PRKCI: variants seen among roughly 807,000 people sequenced by gnomAD.
PRKCI encodes protein kinase C iota.
PRKCI carries 43 observed loss-of-function variants against 84.0 expected under a neutral mutation model. That is an observed-to-expected ratio of 0.51 (90% CI 0.40 to 0.66). PRKCI has a LOEUF of 0.66. Among genes scored for constraint, PRKCI ranks in the 30% least tolerant of loss-of-function variants. The pLI, the probability that PRKCI is intolerant of heterozygous loss-of-function variation, is 0.00. For synonymous variants in PRKCI, 216 were observed against 234.4 expected (o/e 0.92, Z 0.72); for missense variants, 459 against 745.6 (o/e 0.62, Z 4.48).
Position 170,247,269 on chromosome 3 carries a change from T to A in PRKCI, c.223+11918T>A, listed in dbSNP as rs182123307. Among the ~76,000 whole-genome samples the A allele has an allele frequency of 7.4e-4, 112 of 151,994 alleles. No homozygotes were observed. In the East Asian group the frequency reaches 0.016, roughly 21 times the overall value. On this transcript the variant is annotated intron_variant, in intron 2 of 17. Transcript: ENST00000295797. ...TGGGATCTTGCTATGTTGCCCAGGC[T>A]GGTCTTGAACTCTTGGACTCAAGCA...
chr3:170,281,800 C>T, intron 10 of PRKCI, 82 bp from the exon 11 acceptor site: 1 of 1,493,964 alleles, frequency 6.7e-7, no homozygotes, highest in Middle Eastern at 2.2e-4. Flanking sequence ...AGAATGCTCT[C>T]TGTTGTGATG....
At chr3:170,287,180 G>A (rs1194107009) in intron 12 of PRKCI, among the ~76,000 whole-genome samples, 2 of 151,746 alleles carry the variant, frequency 1.3e-5, no homozygotes, top group Non-Finnish European at 2.9e-5. Flanking sequence ...ACAAAAAATA[G>A]GAAAATTACA....
intron 1 of PRKCI, among the ~76,000 whole-genome samples, chr3:170,227,946 G>A (rs1383869477): frequency 6.6e-6 from 1 of 152,094 alleles, no homozygotes; most frequent in Non-Finnish European, 1.5e-5. Context: ...AAATTTTAAG[G>A]GGTAGTATCA....
intron 2 of PRKCI, among the ~76,000 whole-genome samples, chr3:170,238,240 G>T (rs977451413): frequency 6.6e-6 from 1 of 151,938 alleles, no homozygotes; most frequent in Non-Finnish European, 1.5e-5. Context: ...GCGGGTGCCT[G>T]TAATCCCAGC....
chr3:170,236,135 T>C (rs1192992038), intron 2 of PRKCI, among the ~76,000 whole-genome samples: 1 of 150,394 alleles, frequency 6.6e-6, no homozygotes, highest in Non-Finnish European at 1.5e-5. Context: ...AGAGTCTGGC[T>C]CTGTCGCCCA....
chr3:170,283,026 G>GCCCGGGAGGCAGA (rs1553844283), intron 11 of PRKCI, among the ~76,000 whole-genome samples: 4 of 150,652 alleles, frequency 2.7e-5, no homozygotes, highest in Non-Finnish European at 5.9e-5. Flanking sequence ...AATCGCTTGA[G>GCCCGGGAGGCAGA]CCCGGGAGGC....
intron 2 of PRKCI, among the ~76,000 whole-genome samples, chr3:170,241,775 A>AAAAGGAAAGC (rs1448670645): frequency 0.015 from 2,335 of 152,000 alleles, 75 homozygotes; most frequent in African/African-American, 0.054. Flanking sequence ...GGCTTTTGAG[A>AAAAGGAAAGC]TCCTCCCATC....
intron 3 of PRKCI, among the ~76,000 whole-genome samples, chr3:170,263,085 C>T: frequency 6.6e-6 from 1 of 150,708 alleles, no homozygotes; most frequent in Non-Finnish European, 1.5e-5. Context: ...AGGAGAATGG[C>T]GTGAACCCGG....
chr3:170,222,814 G>A (rs749580278), intron 1 of PRKCI, 44 bp downstream of exon 1: 46 of 1,417,806 alleles, frequency 3.2e-5, no homozygotes, highest in Non-Finnish European at 3.7e-5. Context: ...GGGACAGGCC[G>A]GCTCCACTCG....
chr3:170,287,908 CAAAAA>C (rs750366555), intron 12 of PRKCI, among the ~76,000 whole-genome samples: 28 of 50,546 alleles, frequency 5.5e-4, no homozygotes, highest in African/African-American at 1.8e-3. Flanking sequence ...GACTCTGTCT[CAAAAA>C]AAAAAAAAAA....
At chr3:170,276,614 C>G (rs1162664111) in intron 8 of PRKCI, among the ~76,000 whole-genome samples, 1 of 151,928 alleles carries the variant, frequency 6.6e-6, no homozygotes, top group East Asian at 1.9e-4. Context: ...ACTGGACCCT[C>G]ATCACAATAT....
At chr3:170,290,059 C>G (rs1225267854) in intron 12 of PRKCI, among the ~76,000 whole-genome samples, 1 of 149,142 alleles carries the variant, frequency 6.7e-6, no homozygotes. Context: ...GATGACAGAG[C>G]GAAACTCGGT....
At chr3:170,232,402 A>G (rs1732824336) in intron 1 of PRKCI, among the ~76,000 whole-genome samples, 1 of 149,900 alleles carries the variant, frequency 6.7e-6, no homozygotes, top group South Asian at 2.1e-4. Context: ...GTCTTCCTCC[A>G]TCACCCAGGC....
intron 12 of PRKCI, among the ~76,000 whole-genome samples, chr3:170,286,811 C>CA (rs1734404342): frequency 7.1e-6 from 1 of 139,954 alleles, no homozygotes. Context: ...TTTTTACTTT[C>CA]TTTTTTTTTT....
At chr3:170,287,001 T>G (rs1477773953) in intron 12 of PRKCI, among the ~76,000 whole-genome samples, 1 of 151,896 alleles carries the variant, frequency 6.6e-6, no homozygotes, top group East Asian at 1.9e-4. Flanking sequence ...TTTGTTCCAG[T>G]TAACAAGGAA....
chr3:170,270,413 C>A lies in PRKCI; in HGVS notation c.451-8C>A. 6.3e-7 allele frequency: 1 copy of A among 1,591,576 alleles called. No homozygotes were observed. Among genetic ancestry groups the A allele is most frequent in the Non-Finnish European group, 8.6e-7 (1 of 1,166,560 alleles). On this transcript the variant is annotated splice_polypyrimidine_tract_variant and splice_region_variant and intron_variant, in intron 5 of 17. Transcript: ENST00000295797. Reference sequence around the variant, plus strand: ...GTTAATAAAATATTGTTGAATTACTCTTTTCAGCGTGCTCACTGTGCCATC... The same window carrying A: ...GTTAATAAAATATTGTTGAATTACTATTTTCAGCGTGCTCACTGTGCCATC...
chr3:170,273,419 A>G, intron 7 of PRKCI, 79 bp downstream of exon 7: 1 of 1,346,238 alleles, frequency 7.4e-7, no homozygotes, highest in South Asian at 1.2e-5. Flanking sequence ...TCTCTTACCC[A>G]AGTTTAAAAA....
chr3:170,284,551 G>C lies in PRKCI; in HGVS notation c.1158G>C (p.Leu386=), dbSNP rs1185387877. ...ATTTGAAACTGGACAATGTATTACTGGACTCTGAAGGCCACATTAAACTCA... is the reference window on the plus strand; with the variant it reads ...ATTTGAAACTGGACAATGTATTACTCGACTCTGAAGGCCACATTAAACTCA... The part of the protein sequence containing the change: ...YRDLKLDNVL[L]DSEGHIKLTD... The change falls in exon 12 of 18, where the codon CTG becomes CTC. Residue 386 remains leucine (L), a synonymous_variant. Coordinates refer to ENST00000295797, the MANE Select transcript of PRKCI (RefSeq NM_002740.6). 2 of 1,612,892 alleles carry C rather than the reference G, an allele frequency of 1.2e-6. No individual in the cohort carries two copies. The highest frequency in any genetic ancestry group is 2.7e-5 in the African/African-American group (2 of 74,864).
chr3:170,302,693 A>C (rs1283007998), intron 17 of PRKCI, among the ~76,000 whole-genome samples: 1 of 152,168 alleles, frequency 6.6e-6, no homozygotes, highest in East Asian at 1.9e-4. Flanking sequence ...GTGACTACTA[A>C]ATTGAATGCT....
Sources: gnomAD v4.1 joint callset for allele counts (sites outside exome capture counted in the v4.1 genomes callset) on GRCh38, gnomAD v4.1.1 for gene constraint, MANE v1.5 for transcripts, NCBI Gene and HGNC (gene_info 2026-07-23, HGNC 2026-07-21) for gene names.